The following KDM4C variants were observed in gnomAD, a reference collection of about 807,000 sequenced individuals.
KDM4C encodes the protein lysine demethylase 4C.
A neutral mutation model predicts 129.3 loss-of-function variants in KDM4C; 81 were observed. The ratio of observed to expected loss-of-function variants is 0.63; its 90% confidence interval spans 0.52 to 0.75. The LOEUF (loss-of-function observed/expected upper bound fraction) is 0.75. Ranked by LOEUF, KDM4C falls within the 30% of genes least tolerant of loss-of-function variation. The pLI is 0.00. For missense variants in KDM4C, 1,457 were observed against 1,304.0 expected, an observed-to-expected ratio of 1.12 and a Z score of -1.81; for synonymous variants, 573 against 456.1, an observed-to-expected ratio of 1.26 and a Z score of -3.26.
intron 17 of KDM4C, among the ~76,000 whole-genome samples, chr9:7,051,026 A>G (rs1830086265): frequency 6.6e-6 from 1 of 152,180 alleles, no homozygotes; most frequent in African/African-American, 2.4e-5. Flanking sequence ...TGTCATTATC[A>G]CCAAAAGTCT....
chr9:7,170,609 A>G (rs1428222739), intron 21 of KDM4C: 2 of 951,540 alleles, frequency 2.1e-6, no homozygotes, highest in Non-Finnish European at 2.5e-6. Flanking sequence ...AAATGAAGTC[A>G]GTTTTATTCA....
chr9:6,745,903 G>C (rs1159233904), intron 1 of KDM4C, among the ~76,000 whole-genome samples: 1 of 152,046 alleles, frequency 6.6e-6, no homozygotes. Context: ...TCTGCCTCAC[G>C]GGTTCAAGTG....
chr9:7,161,194 TATTGGGGCAGGCGTGTCCC>T (rs1358188160), intron 19 of KDM4C, among the ~76,000 whole-genome samples: 1 of 152,140 alleles, frequency 6.6e-6, no homozygotes, highest in East Asian at 1.9e-4. Context: ...AAAAGTGCAG[TATTGGGGCAGGCGTGTCCC>T]ATTTTTCCAA....
chr9:7,014,965 A>G (rs1439018877), intron 14 of KDM4C, among the ~76,000 whole-genome samples: 2 of 150,288 alleles, frequency 1.3e-5, no homozygotes, highest in African/African-American at 4.9e-5. Context: ...TTACATTATT[A>G]TGTGTATACA....
intron 1 of KDM4C, among the ~76,000 whole-genome samples, chr9:6,744,369 A>G (rs1013365553): frequency 6.6e-6 from 1 of 152,048 alleles, no homozygotes; most frequent in African/African-American, 2.4e-5. Flanking sequence ...ACTAAAAACT[A>G]CAAGAATTAG....
At chr9:7,002,169 A>G (rs910935885) in intron 12 of KDM4C, among the ~76,000 whole-genome samples, 2 of 152,230 alleles carry the variant, frequency 1.3e-5, no homozygotes, top group Non-Finnish European at 2.9e-5. Context: ...CTGGGATTAC[A>G]GGCATGAGCC....
At chr9:6,795,794 C>T (rs887343640) in intron 2 of KDM4C, among the ~76,000 whole-genome samples, 35 of 151,850 alleles carry the variant, frequency 2.3e-4, no homozygotes, top group Non-Finnish European at 5.0e-4. Flanking sequence ...CCCTCAGCCC[C>T]GCAATTAGCT....
At chr9:6,729,434 A>G (rs34207404) in intron 1 of KDM4C, among the ~76,000 whole-genome samples, 14,499 of 127,304 alleles carry the variant, frequency 0.11, 2,783 homozygotes, top group Middle Eastern at 0.15. Context: ...CCAGTTACTT[A>G]GGAGGCTTTG....
chr9:6,769,231 A>G (rs1042568400), intron 1 of KDM4C, among the ~76,000 whole-genome samples: 4 of 152,032 alleles, frequency 2.6e-5, no homozygotes, highest in African/African-American at 9.7e-5. Context: ...GCAATCTGGA[A>G]CATCTTAAAT....
At chr9:6,970,541 C>T (rs1047530083) in intron 8 of KDM4C, among the ~76,000 whole-genome samples, 4 of 152,116 alleles carry the variant, frequency 2.6e-5, no homozygotes, top group Non-Finnish European at 4.4e-5. Flanking sequence ...ATATACATTT[C>T]ATAGAGAGGG....
intron 17 of KDM4C, among the ~76,000 whole-genome samples, chr9:7,073,476 GCTATACTCACCTTT>G (rs1833490433): frequency 6.6e-6 from 1 of 152,176 alleles, no homozygotes; most frequent in Admixed American, 6.5e-5. Context: ...CTCCCACTAA[GCTATACTCACCTTT>G]GTGGTGGTAG....
At chr9:6,919,593 A>G (rs1028352974) in intron 8 of KDM4C, among the ~76,000 whole-genome samples, 22 of 149,056 alleles carry the variant, frequency 1.5e-4, no homozygotes, top group Admixed American at 2.7e-4. Context: ...CTATCTATCT[A>G]GGATGGAGTT....
At chr9:6,767,427 C>G (rs1215810548) in intron 1 of KDM4C, among the ~76,000 whole-genome samples, 1 of 150,572 alleles carries the variant, frequency 6.6e-6, no homozygotes, top group African/African-American at 2.4e-5. Context: ...AGGCGTGAGC[C>G]ACCATGCACG....
intron 7 of KDM4C, among the ~76,000 whole-genome samples, chr9:6,891,710 C>T (rs995583787): frequency 6.6e-6 from 1 of 152,032 alleles, no homozygotes; most frequent in Non-Finnish European, 1.5e-5. Context: ...CTTTAAAAAA[C>T]ACTATATGTA....
At chr9:6,903,961 C>T (rs894265911) in intron 8 of KDM4C, among the ~76,000 whole-genome samples, 28 of 151,996 alleles carry the variant, frequency 1.8e-4, no homozygotes, top group Non-Finnish European at 1.9e-4. Flanking sequence ...TTTCATTAGC[C>T]GGGCGCGGTG....
intron 17 of KDM4C, among the ~76,000 whole-genome samples, chr9:7,092,807 A>G (rs1057087718): frequency 6.6e-6 from 1 of 152,166 alleles, no homozygotes; most frequent in Admixed American, 6.5e-5. Flanking sequence ...CTTTTAGAGT[A>G]TGAACGTGTT....
rs1042133012 is a variant in KDM4C at position 6,945,151 on chromosome 9, C to T, written c.922-35774C>T. Among the ~76,000 whole-genome samples, 7 of 152,270 alleles carry T rather than the reference C, an allele frequency of 4.6e-5. No individual in the cohort carries two copies. In the East Asian group the frequency reaches 5.8e-4, roughly 13 times the overall value. On this transcript the variant is annotated intron_variant, in intron 8 of 21. Transcript: ENST00000381309. ...GAACCCGTGGACCCGCACACATACT[C>T]ACGAAAATGCTCACATGCTCATAAA...
At chr9:6,841,336 CA>C (rs1036516776) in intron 4 of KDM4C, among the ~76,000 whole-genome samples, 1 of 152,030 alleles carries the variant, frequency 6.6e-6, no homozygotes, top group Non-Finnish European at 1.5e-5. Flanking sequence ...CTGAGGGTGA[CA>C]GCAGGAAATG....
At chr9:7,169,653 C>T (rs1173185028) in intron 20 of KDM4C, 145 bp from the exon 21 acceptor site, 10 of 638,714 alleles carry the variant, frequency 1.6e-5, no homozygotes, top group Non-Finnish European at 2.1e-5. Flanking sequence ...AGGGAAATAA[C>T]TCTTCTTACT....
Sources: allele counts gnomAD v4.1 joint callset (sites outside exome capture counted in the v4.1 genomes callset), GRCh38; gene constraint gnomAD v4.1.1; transcripts MANE v1.5; gene names NCBI Gene and HGNC (gene_info 2026-07-23, HGNC 2026-07-21).